The following TSNARE1 variants were observed in gnomAD, a reference collection of about 807,000 sequenced individuals.
The protein encoded by TSNARE1 is t-SNARE domain containing 1.
Under a neutral mutation model 62.0 loss-of-function variants are expected in TSNARE1, and 49 were observed. The observed-to-expected ratio is 0.79, with a 90% CI of 0.63 to 1.00. TSNARE1 has a LOEUF of 1.00. Ranked by LOEUF, TSNARE1 falls within the 50% of genes least tolerant of loss-of-function variation. TSNARE1 has a pLI of 0.00. For missense variants in TSNARE1, 755 were observed against 700.1 expected (o/e 1.08, Z -0.88); for synonymous variants, 328 against 294.4 (o/e 1.11, Z -1.17).
intron 9 of TSNARE1, among the ~76,000 whole-genome samples, chr8:142,303,280 C>T (rs902021847): frequency 7.2e-5 from 11 of 152,120 alleles, no homozygotes; most frequent in Admixed American, 1.3e-4. Context: ...GGAGGCCTCC[C>T]GGGGTAGCAG....
At chr8:142,348,705 G>A (rs1011486965) in intron 2 of TSNARE1, among the ~76,000 whole-genome samples, 3 of 150,238 alleles carry the variant, frequency 2.0e-5, no homozygotes, top group African/African-American at 7.4e-5. Flanking sequence ...TTCTTTTCCT[G>A]CCAGGTTATC....
intron 12 of TSNARE1, among the ~76,000 whole-genome samples, chr8:142,236,904 G>A: frequency 6.6e-6 from 1 of 152,222 alleles, no homozygotes; most frequent in Non-Finnish European, 1.5e-5. Context: ...AATGCACCCT[G>A]CGGCGGTCAT....
intron 7 of TSNARE1, among the ~76,000 whole-genome samples, chr8:142,315,549 G>A (rs1468625921): frequency 6.6e-6 from 1 of 152,226 alleles, no homozygotes; most frequent in Non-Finnish European, 1.5e-5. Flanking sequence ...CCTTCCTGCT[G>A]GGATGTTCGC....
chr8:142,275,756 C>G (rs1156746505), intron 11 of TSNARE1: 1 of 985,344 alleles, frequency 1.0e-6, no homozygotes, highest in Non-Finnish European at 1.2e-6. Context: ...GCAGTGCCTA[C>G]CAGGGCACAG....
Position 142,260,132 on chromosome 8 carries a change from C to T in TSNARE1, c.1446+14649G>A, listed in dbSNP as rs553611679. On this transcript the variant is annotated intron_variant, in intron 12 of 13. Coordinates refer to ENST00000524325, the MANE Select transcript of TSNARE1 (RefSeq NM_145003.5). The stretch of plus-strand genomic sequence containing the variant: ...AGAGCCAATGGCTAACTCCTTCCTC[C>T]GGTCTCCACAGCCCCGAACCCAGAG... Among the ~76,000 whole-genome samples the T allele has an allele frequency of 2.6e-5, 4 of 152,168 alleles. No homozygotes were observed. The East Asian group carries it at 5.8e-4, about 22-fold the overall frequency.
chr8:142,261,775 G>A (rs111836194), intron 12 of TSNARE1, among the ~76,000 whole-genome samples: 120 of 152,294 alleles, frequency 7.9e-4, no homozygotes, highest in African/African-American at 2.6e-3. Context: ...AGGGGTCTGA[G>A]GCTGCCCTCG....
At chr8:142,314,736 C>T (rs1828256389) in intron 8 of TSNARE1, among the ~76,000 whole-genome samples, 1 of 152,228 alleles carries the variant, frequency 6.6e-6, no homozygotes, top group Non-Finnish European at 1.5e-5. Flanking sequence ...CCTCACCTGT[C>T]AGAGCAGGGT....
chr8:142,364,229 A>G (rs1173989084), intron 1 of TSNARE1, among the ~76,000 whole-genome samples: 1 of 152,172 alleles, frequency 6.6e-6, no homozygotes, highest in Non-Finnish European at 1.5e-5. Flanking sequence ...CTGCTGGACC[A>G]TGAGCTACGG....
intron 12 of TSNARE1, chr8:142,274,545 C>T (rs1026561377): frequency 2.3e-5 from 23 of 985,306 alleles, no homozygotes; most frequent in Non-Finnish European, 2.8e-5. Flanking sequence ...GTGGTGCATA[C>T]AAGAGAGGAG....
At chr8:142,285,592 G>A (rs879633368) in intron 10 of TSNARE1, among the ~76,000 whole-genome samples, 4 of 150,978 alleles carry the variant, frequency 2.6e-5, no homozygotes, top group East Asian at 1.9e-4. Context: ...GTGAATGGAC[G>A]GTATGTGGAT....
chr8:142,352,431 C>T (rs1246149519), intron 2 of TSNARE1, among the ~76,000 whole-genome samples: 1 of 152,274 alleles, frequency 6.6e-6, no homozygotes, highest in East Asian at 1.9e-4. Context: ...CCCGCATCAG[C>T]TCGGCTGCAG....
chr8:142,248,577 C>A (rs1205420384), intron 12 of TSNARE1, among the ~76,000 whole-genome samples: 2 of 152,208 alleles, frequency 1.3e-5, no homozygotes, highest in Non-Finnish European at 2.9e-5. Flanking sequence ...CGGCTCTGGG[C>A]AGAGTAGGTT....
chr8:142,277,362 G>A, intron 11 of TSNARE1: 1 of 985,384 alleles, frequency 1.0e-6, no homozygotes, highest in South Asian at 4.7e-5. Context: ...CCTGCCCAGT[G>A]CCCTCAGGGC....
chr8:142,282,044 G>A (rs141577134), intron 11 of TSNARE1, among the ~76,000 whole-genome samples: 101 of 152,310 alleles, frequency 6.6e-4, no homozygotes, highest in Middle Eastern at 6.8e-3. Flanking sequence ...CTAGGCACCC[G>A]GGCACCCCTG....
chr8:142,352,627 G>C (rs1006990654), intron 2 of TSNARE1, among the ~76,000 whole-genome samples: 1 of 152,246 alleles, frequency 6.6e-6, no homozygotes, highest in Non-Finnish European at 1.5e-5. Flanking sequence ...ACAGCCACGC[G>C]CAACGTGGAG....
chr8:142,302,627 C>T (rs1400412486), intron 9 of TSNARE1, among the ~76,000 whole-genome samples: 1 of 152,158 alleles, frequency 6.6e-6, no homozygotes, highest in Non-Finnish European at 1.5e-5. Context: ...GGAAAGGCCC[C>T]GCAAAGCACG....
intron 11 of TSNARE1, chr8:142,276,208 G>A: frequency 1.0e-6 from 1 of 985,464 alleles, no homozygotes; most frequent in Non-Finnish European, 1.2e-6. Flanking sequence ...GCGGGTATGG[G>A]TGACGGCCTC....
intron 12 of TSNARE1, among the ~76,000 whole-genome samples, chr8:142,258,814 G>A (rs971303477): frequency 1.1e-4 from 16 of 152,092 alleles, no homozygotes; most frequent in African/African-American, 3.4e-4. Flanking sequence ...GAACCACCAC[G>A]CCCAGCCAGA....
chr8:142,357,177 G>C (rs1046097009), intron 1 of TSNARE1, among the ~76,000 whole-genome samples: 2 of 152,218 alleles, frequency 1.3e-5, no homozygotes, highest in African/African-American at 4.8e-5. Context: ...GTCAGGAACA[G>C]CATTCACACT....
Sources: gnomAD v4.1 joint callset for allele counts (sites outside exome capture counted in the v4.1 genomes callset) on GRCh38, gnomAD v4.1.1 for gene constraint, MANE v1.5 for transcripts, NCBI Gene and HGNC (gene_info 2026-07-23, HGNC 2026-07-21) for gene names.